Variants in ADTRP observed in about 807,000 individuals in gnomAD.
The protein encoded by ADTRP is androgen-dependent TFPI-regulating protein.
In ADTRP, 20 loss-of-function variants were observed where a neutral mutation model predicts 27.0. The ratio of observed to expected loss-of-function variants is 0.74; its 90% CI spans 0.52 to 1.08. The LOEUF is 1.08. ADTRP is among the 50% of genes least tolerant of loss of function. ADTRP has a pLI of 0.00. For synonymous variants in ADTRP, 101 were observed against 105.2 expected, an observed-to-expected ratio of 0.96 and a Z score of 0.25; for missense variants, 251 against 275.0, an observed-to-expected ratio of 0.91 and a Z score of 0.62.
intron 2 of ADTRP, chr6:11,767,783 A>G (rs1763623172): frequency 6.5e-6 from 1 of 153,352 alleles, no homozygotes; most frequent in African/African-American, 2.4e-5. Context: ...TCCATGTGCC[A>G]CCTTTGAAGG....
chr6:11,759,287 T>A (rs1763326568), intron 3 of ADTRP, among the ~76,000 whole-genome samples: 1 of 152,158 alleles, frequency 6.6e-6, no homozygotes, highest in Admixed American at 6.5e-5. Flanking sequence ...TTTGACACTG[T>A]CAATATTTGG....
At position 11,764,544 on chromosome 6, in the gene ADTRP, CTT is replaced by C. The variant is rs58611275; in HGVS notation, c.390+1728_390+1729del. Among the ~76,000 whole-genome samples, 315 of 146,054 alleles carry C rather than the reference CTT, an allele frequency of 2.2e-3. 1 individual carries two copies. Among genetic ancestry groups the C allele is most frequent in the African/African-American group, 6.8e-3 (268 of 39,344 alleles). ...GTTTAGTAGCATACAGATGAGGATT[CTT>C]TTTTTTTTTTTAAGTAAGAATTCAC... On this transcript the variant is annotated intron_variant, in intron 3 of 5. Transcript: ENST00000414691.
chr6:11,766,582 C>T (rs534266303), intron 2 of ADTRP, among the ~76,000 whole-genome samples: 2 of 152,310 alleles, frequency 1.3e-5, no homozygotes, highest in Admixed American at 1.3e-4. Flanking sequence ...TCTGCTCTTT[C>T]TGGGGATTCC....
intron 3 of ADTRP, among the ~76,000 whole-genome samples, chr6:11,743,150 T>C (rs190561278): frequency 3.9e-4 from 60 of 152,362 alleles, no homozygotes; most frequent in African/African-American, 1.4e-3. Context: ...AATGCTTCAG[T>C]GCTTAACAGT....
Position 11,734,859 on chromosome 6 carries a change from C to T in ADTRP, c.506+709G>A, listed in dbSNP as rs545613618. ...GGAACACTGATTAGCTTCCAATCTG[C>T]AGGTCTTGTGTTCAGCAAGCCTCTT... On this transcript the variant is annotated intron_variant, in intron 4 of 5. Transcript: ENST00000414691. Among the ~76,000 whole-genome samples the T allele has an allele frequency of 1.9e-3, 286 of 152,300 alleles. 3 individuals are homozygous for T. The highest frequency in any genetic ancestry group is 3.7e-4 in the Non-Finnish European group (25 of 68,012).
chr6:11,730,187 C>T (rs967373642), intron 4 of ADTRP, among the ~76,000 whole-genome samples: 2 of 152,096 alleles, frequency 1.3e-5, no homozygotes, highest in East Asian at 1.9e-4. Context: ...GGCTGGACCC[C>T]GCATGTTGAC....
chr6:11,721,064 A>G (rs1434177472), intron 5 of ADTRP, among the ~76,000 whole-genome samples: 3 of 152,210 alleles, frequency 2.0e-5, no homozygotes, highest in African/African-American at 7.2e-5. Flanking sequence ...AGCAGTAGTA[A>G]AACCGCAGTC....
chr6:11,727,070 T>G (rs1762230766), intron 4 of ADTRP, among the ~76,000 whole-genome samples: 4 of 152,228 alleles, frequency 2.6e-5, no homozygotes. Context: ...TTGCTCAGGC[T>G]GGAGTGCAGT....
At chr6:11,761,122 C>T (rs1209064456) in intron 3 of ADTRP, among the ~76,000 whole-genome samples, 1 of 152,208 alleles carries the variant, frequency 6.6e-6, no homozygotes, top group African/African-American at 2.4e-5. Flanking sequence ...CTGAGCCTTT[C>T]TTCTGCCAGA....
At chr6:11,734,403 C>T (rs779567798) in intron 4 of ADTRP, among the ~76,000 whole-genome samples, 8 of 152,216 alleles carry the variant, frequency 5.3e-5, no homozygotes, top group Admixed American at 3.3e-4. Flanking sequence ...GCTTAAGCCT[C>T]GTTCTCTGAA....
chr6:11,723,439 G>T lies in ADTRP; in HGVS notation c.568C>A (p.Leu190Ile), dbSNP rs371815110. Reference sequence around the variant, plus strand: ...GAGAAGAAAGCTGCTAGACCCAAGAGGCTGAGTTTGGCAAACACAGGATAC... The same window carrying T: ...GAGAAGAAAGCTGCTAGACCCAAGATGCTGAGTTTGGCAAACACAGGATAC... Reference protein sequence around the residue: ...WVYPVFAKLSLLGLAAFFSLS... With the variant: ...WVYPVFAKLSILGLAAFFSLS... The change falls in exon 5 of 6, where the codon CTC (leucine) becomes ATC (isoleucine). Residue 190 changes from leucine to isoleucine, a missense_variant. Leu to Ile is a conservative substitution (Grantham distance 5). Transcript: ENST00000414691. 2 of 1,614,152 alleles carry T rather than the reference G, an allele frequency of 1.2e-6. No individual in the cohort carries two copies. Among genetic ancestry groups the T allele is most frequent in the Admixed American group, 3.3e-5 (2 of 60,020 alleles).
intron 1 of ADTRP, among the ~76,000 whole-genome samples, chr6:11,770,850 G>A (rs1420664813): frequency 1.3e-5 from 2 of 152,192 alleles, no homozygotes; most frequent in African/African-American, 4.8e-5. Flanking sequence ...CAGCAGGCCA[G>A]GCTGCTGCTG....
At chr6:11,756,001 G>C (rs1763203202) in intron 3 of ADTRP, among the ~76,000 whole-genome samples, 1 of 152,166 alleles carries the variant, frequency 6.6e-6, no homozygotes, top group South Asian at 2.1e-4. Flanking sequence ...AATACTATTT[G>C]CTGGTCATTG....
Position 11,760,875 on chromosome 6 carries a change from A to ATT in ADTRP, c.390+5397_390+5398dup, listed in dbSNP as rs566837159. On this transcript the variant is annotated intron_variant, in intron 3 of 5. Transcript: ENST00000414691. ...TCTCTTTCTTTTTGCCATATGGATT[A>ATT]TTAAGTATATACATGTATGGTAGGG... 7.2e-3 allele frequency among the ~76,000 whole-genome samples: 1,092 copies of ATT among 152,304 alleles called. 6 individuals are homozygous for ATT. The highest frequency in any genetic ancestry group is 0.011 in the Non-Finnish European group (765 of 68,040).
Position 11,765,709 on chromosome 6 carries a change from T to C in ADTRP, c.390+565A>G, listed in dbSNP as rs543596264. The stretch of plus-strand genomic sequence containing the variant: ...TGCTTGTTTGGGTCCCTGTTACTGA[T>C]ATTCAGGTTCCAGTGACCTAAAAAT... On this transcript the variant is annotated intron_variant, in intron 3 of 5. Transcript: ENST00000414691. 1.4e-4 allele frequency among the ~76,000 whole-genome samples: 21 copies of C among 152,188 alleles called. No homozygotes were observed. The East Asian group carries it at 3.9e-3, about 28-fold the overall frequency.
At chr6:11,716,424 G>A (rs1186879204) in intron 5 of ADTRP, among the ~76,000 whole-genome samples, 1 of 152,082 alleles carries the variant, frequency 6.6e-6, no homozygotes, top group Non-Finnish European at 1.5e-5. Context: ...TTGGATTAGA[G>A]TCCTCTGTCC....
At chr6:11,776,820 G>C (rs893435005) in intron 1 of ADTRP, among the ~76,000 whole-genome samples, 13 of 152,180 alleles carry the variant, frequency 8.5e-5, no homozygotes, top group African/African-American at 2.9e-4. Context: ...CTCTTGAATC[G>C]GGAGTTTGAC....
intron 3 of ADTRP, among the ~76,000 whole-genome samples, chr6:11,747,390 A>G (rs926856682): frequency 3.3e-5 from 5 of 152,208 alleles, no homozygotes; most frequent in Non-Finnish European, 7.3e-5. Context: ...AAAAAGCACA[A>G]GGGTTTGTTT....
chr6:11,735,779 C>T (rs551578296), intron 3 of ADTRP, 96 bp from the exon 4 acceptor site: 2 of 835,756 alleles, frequency 2.4e-6, no homozygotes, highest in African/African-American at 1.7e-5. Context: ...ACCTCTTACA[C>T]ACTGCTAGAT....
Sources: allele counts gnomAD v4.1 joint callset (sites outside exome capture counted in the v4.1 genomes callset), GRCh38; gene constraint gnomAD v4.1.1; transcripts MANE v1.5; gene names NCBI Gene and HGNC (gene_info 2026-07-23, HGNC 2026-07-21).